The following DCAF12L2 variants were observed in gnomAD, a reference collection of about 807,000 sequenced individuals.
DCAF12L2 encodes DDB1 and CUL4 associated factor 12 like 2.
DCAF12L2 carries 16 observed loss-of-function variants against 20.2 expected under a neutral mutation model. The observed-to-expected ratio is 0.79, with a 90% CI of 0.54 to 1.20. The LOEUF is 1.20. DCAF12L2 is among the 50% of genes most tolerant of loss of function. The pLI, the probability that DCAF12L2 is intolerant of heterozygous loss-of-function variation, is 0.00. For missense variants in DCAF12L2, 355 were observed against 404.8 expected, an observed-to-expected ratio of 0.88 and a Z score of 1.06; for synonymous variants, 195 against 190.0, an observed-to-expected ratio of 1.03 and a Z score of -0.22.
At position 126,165,949 on chromosome X, in the gene DCAF12L2, AGCGGCGGCGGCGGCGGCGGCG is replaced by A. The variant is rs753861637; in HGVS notation, c.-46_-26del. 3.1e-5 allele frequency: 30 copies of A among 972,387 alleles called. 4 individuals carry two copies. The highest frequency in any genetic ancestry group is 4.3e-4 in the Middle Eastern group (1 of 2,335). 80.1% of individuals were successfully genotyped at this position (972,387 alleles called of 1,213,427 possible). On this transcript the variant is annotated 5_prime_UTR_variant, in exon 1 of 1. Coordinates refer to ENST00000360028, the MANE Select transcript of DCAF12L2 (RefSeq NM_001013628.3). ...TGGTGGGCGGCGGGCGATCTGCAGCAGCGGCGGCGGCGGCGGCGGCGGCGGCGGCGGCCCGGCGGCGGTGGC... is the reference window on the plus strand; with the variant it reads ...TGGTGGGCGGCGGGCGATCTGCAGCAGCGGCGGCGGCCCGGCGGCGGTGGC...
At position 126,165,303 on chromosome X, in the gene DCAF12L2, C is replaced by T. The variant is rs1016833517; in HGVS notation, c.622G>A (p.Ala208Thr). 1.6e-6 allele frequency: 2 copies of T among 1,212,609 alleles called. No individual in the cohort carries two copies. The highest frequency in any genetic ancestry group is 2.2e-6 in the Non-Finnish European group (2 of 895,671). ...GTGCCGTCGCGGGAGCCGCTCACAG[C>T]TACGGTGTCACTCAGCCAGGCGACT... ...FAVAWLSDTV[A>T]VSGSRDGTVA... is the part of the protein sequence containing the mutation. The change falls in exon 1 of 1, where the codon GCT (alanine) becomes ACT (threonine). Residue 208 changes from alanine (A) to threonine (T), a missense_variant. Ala to Thr is a moderately conservative substitution (Grantham distance 58). Transcript: ENST00000360028.
In DCAF12L2 at chrX:126,164,923, C is replaced by G; in HGVS notation, c.1002G>C (p.Pro334=). ...GCCGGATGTTCTGCTGGCGCTGGCG[C>G]GGATCCAGGAAGGAGACGTGGGACT... ...GSQSHVSFLD[P]RQRQQNIRPL... is the part of the protein sequence containing the mutation. The change falls in exon 1 of 1, where the codon CCG becomes CCC. Residue 334 remains proline, a synonymous_variant. Coordinates refer to ENST00000360028, the MANE Select transcript of DCAF12L2 (RefSeq NM_001013628.3). 8.3e-7 allele frequency: 1 copy of G among 1,212,121 alleles called. No homozygotes were observed. Among genetic ancestry groups the G allele is most frequent in the Non-Finnish European group, 1.1e-6 (1 of 895,601 alleles).
Position 126,165,396 on chromosome X carries a change from A to G in DCAF12L2, c.529T>C (p.Tyr177His), listed in dbSNP as rs1304985444. 8.3e-7 allele frequency: 1 copy of G among 1,211,888 alleles called. No individual in the cohort carries two copies. Among genetic ancestry groups the G allele is most frequent in the Admixed American group, 2.2e-5 (1 of 46,169 alleles). The change falls in exon 1 of 1, where the codon TAC becomes CAC. Residue 177 changes from tyrosine to histidine, a missense_variant. Tyr to His is a moderately conservative substitution (Grantham distance 83). Transcript: ENST00000360028. ...AGGGGGTCCAGGGTGGGCAGCTGGTAGATGGCCAGGCTGTTGGGGTTTTCG... is the reference window on the plus strand; with the variant it reads ...AGGGGGTCCAGGGTGGGCAGCTGGTGGATGGCCAGGCTGTTGGGGTTTTCG... Reference protein sequence around the residue: ...GGENPNSLAIYQLPTLDPLCL... With the variant: ...GGENPNSLAIHQLPTLDPLCL...
At position 126,164,275 on chromosome X, in the gene DCAF12L2, A is replaced by C. The variant is rs1456277963; in HGVS notation, c.*258T>G. On this transcript the variant is annotated 3_prime_UTR_variant, in exon 1 of 1. Coordinates refer to ENST00000360028, the MANE Select transcript of DCAF12L2 (RefSeq NM_001013628.3). ...CAAAACTCTTTGAATGAGAAGGCAA[A>C]AATATACTGCTGTTGGGAAACGTGA... 2.8e-6 allele frequency: 1 copy of C among 354,038 alleles called. No individual in the cohort carries two copies. The highest frequency in any genetic ancestry group is 4.8e-6 in the Non-Finnish European group (1 of 208,217). The allele number at this position is 354,038 out of a possible 1,213,427, so 29.2% of individuals were successfully genotyped here. A position where few individuals can be genotyped will look rare whatever the true frequency, so the allele number is the denominator to read the frequency against.
chrX:126,164,078 G>A lies in DCAF12L2; in HGVS notation c.*455C>T, dbSNP rs1927763718. On this transcript the variant is annotated 3_prime_UTR_variant, in exon 1 of 1. Coordinates refer to ENST00000360028, the MANE Select transcript of DCAF12L2 (RefSeq NM_001013628.3). ...CTCAAAACAACCCCAAAGATGCTTT[G>A]TAGCTCACATTTCCCCAAAACACCA... 1 of 116,823 alleles carries A rather than the reference G, an allele frequency of 8.6e-6. No homozygotes were observed. The highest frequency in any genetic ancestry group is 3.6e-4 in the South Asian group (1 of 2,780). 9.6% of individuals were successfully genotyped at this position (116,823 alleles called of 1,213,427 possible).
rs1927784162 is a variant in DCAF12L2, at chrX:126,164,863, C to T, written c.1062G>A (p.Arg354=). The change falls in exon 1 of 1, where the codon CGG becomes CGA. Residue 354 remains arginine, a synonymous_variant. Coordinates refer to ENST00000360028, the MANE Select transcript of DCAF12L2 (RefSeq NM_001013628.3). The part of the protein sequence containing the change: ...LCSREGGTGV[R]SLSFYQHIIT... ...TGATGTGCTGGTAGAAGCTCAGCGA[C>T]CGCACGCCTGTGCCACCCTCTCGAG... 8.2e-7 allele frequency: 1 copy of T among 1,212,286 alleles called. No homozygotes were observed. The highest frequency in any genetic ancestry group is 2.2e-5 in the Admixed American group (1 of 46,154).
Position 126,165,660 on chromosome X carries a change from C to T in DCAF12L2, c.265G>A (p.Glu89Lys). The change falls in exon 1 of 1, where the codon GAG becomes AAG. Residue 89 changes from glutamate (E) to lysine (K), a missense_variant. By Grantham distance (56) the Glu-to-Lys change is moderately conservative. Coordinates refer to ENST00000360028, the MANE Select transcript of DCAF12L2 (RefSeq NM_001013628.3). Reference sequence around the variant, plus strand: ...AGGGTGCCCAGGTCCAGCTGGCGCTCCGTCAGCAGCTCGGGCAGCCTCTGG... The same window carrying T: ...AGGGTGCCCAGGTCCAGCTGGCGCTTCGTCAGCAGCTCGGGCAGCCTCTGG... ...AVQRLPELLTERQLDLGTLNK... is the reference protein window; with the variant it reads ...AVQRLPELLTKRQLDLGTLNK... 3 of 1,211,766 alleles carry T rather than the reference C, an allele frequency of 2.5e-6. No homozygotes were observed. The highest frequency in any genetic ancestry group is 3.4e-6 in the Non-Finnish European group (3 of 895,512).
Position 126,165,393 on chromosome X carries a change from G to A in DCAF12L2, c.532C>T (p.Gln178Ter), listed in dbSNP as rs1927807283. 4 of 1,211,969 alleles carry A rather than the reference G, an allele frequency of 3.3e-6. No homozygotes were observed. Among genetic ancestry groups the A allele is most frequent in the Non-Finnish European group, 4.5e-6 (4 of 895,552 alleles). Residue 178 changes from glutamine (Q) to a stop codon, truncating the protein, a stop_gained, in exon 1 of 1, where the codon CAG (glutamine) becomes TAG (stop). Transcript: ENST00000360028. LOFTEE classifies it high-confidence loss of function. ...CACAGGGGGTCCAGGGTGGGCAGCTGGTAGATGGCCAGGCTGTTGGGGTTT... is the reference window on the plus strand; with the variant it reads ...CACAGGGGGTCCAGGGTGGGCAGCTAGTAGATGGCCAGGCTGTTGGGGTTT... Reference protein sequence around the residue: ...GENPNSLAIYQLPTLDPLCLG... With the variant: ...GENPNSLAIY
rs753659766 is a variant in DCAF12L2, at chrX:126,164,680, G to A, written c.1245C>T (p.Asp415=). The part of the protein sequence containing the change: ...ACGRGWLNQD[D]VWVNYFGGMG... ...TGCCACCAAAGTAGTTCACCCAGACGTCATCTTGGTTGAGCCAGCCTCTGC... is the reference window on the plus strand; with the variant it reads ...TGCCACCAAAGTAGTTCACCCAGACATCATCTTGGTTGAGCCAGCCTCTGC... Residue 415 remains aspartate (D), a synonymous_variant, in exon 1 of 1, where the codon GAC becomes GAT. Coordinates refer to ENST00000360028, the MANE Select transcript of DCAF12L2 (RefSeq NM_001013628.3). The A allele has an allele frequency of 4.1e-6, 5 of 1,210,928 alleles. No homozygotes were observed. The highest frequency in any genetic ancestry group is 5.6e-6 in the Non-Finnish European group (5 of 895,389).
rs898142077 is a variant in DCAF12L2 at position 126,164,371 on chromosome X, C to G, written c.*162G>C. 3.9e-5 allele frequency: 26 copies of G among 669,575 alleles called. No homozygotes were observed. The highest frequency in any genetic ancestry group is 5.1e-5 in the Non-Finnish European group (24 of 467,157). The allele number at this position is 669,575 out of a possible 1,213,427, so 55.2% of individuals were successfully genotyped here. ...GTGCTCTCTCGCTCCCGCTCTCTCTCTTTCTTTCTCTGCCTAATACATTAA... is the reference window on the plus strand; with the variant it reads ...GTGCTCTCTCGCTCCCGCTCTCTCTGTTTCTTTCTCTGCCTAATACATTAA... On this transcript the variant is annotated 3_prime_UTR_variant, in exon 1 of 1. Transcript: ENST00000360028.
In DCAF12L2 at chrX:126,165,549, G is replaced by T. The variant is rs1469663975; in HGVS notation, c.376C>A (p.Gln126Lys). The T allele has an allele frequency of 8.2e-7, 1 of 1,212,392 alleles. No homozygotes were observed. Among genetic ancestry groups the T allele is most frequent in the African/African-American group, 1.7e-5 (1 of 58,055 alleles). ...KCNTLFVVDV[Q>K]SGHITRIPLM... ...GGGATGCGCGTGATGTGGCCTGACT[G>T]CACGTCCACCACAAACAGCGTATTA... is the stretch of plus-strand genomic sequence containing the variant. The change falls in exon 1 of 1, where the codon CAG (glutamine) becomes AAG (lysine). Residue 126 changes from glutamine to lysine, a missense_variant. Physicochemically the swap from Gln to Lys is moderately conservative, Grantham distance 53. Coordinates refer to ENST00000360028, the MANE Select transcript of DCAF12L2 (RefSeq NM_001013628.3).
In DCAF12L2 at chrX:126,163,782, A is replaced by G. The variant is rs1437164850; in HGVS notation, c.*751T>C. 1 of 112,345 alleles carries G rather than the reference A, an allele frequency of 8.9e-6. No homozygotes were observed. Among genetic ancestry groups the G allele is most frequent in the Non-Finnish European group, 1.9e-5 (1 of 53,321 alleles). The allele number at this position is 112,345 out of a possible 1,213,427, so 9.3% of individuals were successfully genotyped here. A position where few individuals can be genotyped will look rare whatever the true frequency, so the allele number is the denominator to read the frequency against. On this transcript the variant is annotated 3_prime_UTR_variant, in exon 1 of 1. Transcript: ENST00000360028. Reference sequence around the variant, plus strand: ...AGGCCATAATACAGCGGCTTTAAATAAGAACACGGAGGGCCTGAGGATAGT... The same window carrying G: ...AGGCCATAATACAGCGGCTTTAAATGAGAACACGGAGGGCCTGAGGATAGT...
At position 126,165,005 on chromosome X, in the gene DCAF12L2, C is replaced by T. The variant is rs374064147; in HGVS notation, c.920G>A (p.Arg307Gln). The change falls in exon 1 of 1, where the codon CGA (arginine) becomes CAA (glutamine). Residue 307 changes from arginine to glutamine, a missense_variant. Coordinates refer to ENST00000360028, the MANE Select transcript of DCAF12L2 (RefSeq NM_001013628.3). Reference protein sequence around the residue: ...RLLSIRLPYCRENVCLTYCDE... With the variant: ...RLLSIRLPYCQENVCLTYCDE... ...ACAGTAGGTCAGGCACACATTCTCT[C>T]GGCAGTAGGGCAGCCTGATGGACAG... 5 of 1,211,113 alleles carry T rather than the reference C, an allele frequency of 4.1e-6. No homozygotes were observed. Among genetic ancestry groups the T allele is most frequent in the African/African-American group, 1.7e-5 (1 of 57,560 alleles).
In DCAF12L2 at chrX:126,164,968, G is replaced by A. The variant is rs756513945; in HGVS notation, c.957C>T (p.Ser319=). Reference sequence around the variant, plus strand: ...GGGACTGAGAGCCCACAGCGTACAGGGACAACTCATCACAGTAGGTCAGGC... The same window carrying A: ...GGGACTGAGAGCCCACAGCGTACAGAGACAACTCATCACAGTAGGTCAGGC... ...NVCLTYCDEL[S]LYAVGSQSHV... The change falls in exon 1 of 1, where the codon TCC becomes TCT. Residue 319 remains serine (S), a synonymous_variant. Coordinates refer to ENST00000360028, the MANE Select transcript of DCAF12L2 (RefSeq NM_001013628.3). 3.3e-6 allele frequency: 4 copies of A among 1,212,236 alleles called. No individual in the cohort carries two copies. The highest frequency in any genetic ancestry group is 1.8e-5 in the South Asian group (1 of 57,036).
rs1927838909 is a variant in DCAF12L2 at position 126,166,075 on chromosome X, C to CT, written c.-152dup. On this transcript the variant is annotated 5_prime_UTR_variant, in exon 1 of 1. Transcript: ENST00000360028. The stretch of plus-strand genomic sequence containing the variant: ...CGCGTCAGCCGAGAGCTCAGGATCT[C>CT]TAAGACCAAGAAGCTGGTGCGATCG... 1.4e-5 allele frequency: 9 copies of CT among 626,425 alleles called. No individual in the cohort carries two copies. Among genetic ancestry groups the CT allele is most frequent in the Non-Finnish European group, 1.7e-5 (9 of 522,710 alleles). The allele number at this position is 626,425 out of a possible 1,213,427, so 51.6% of individuals were successfully genotyped here. A position where few individuals can be genotyped will look rare whatever the true frequency, so the allele number is the denominator to read the frequency against.
chrX:126,165,876 C>T lies in DCAF12L2; in HGVS notation c.49G>A (p.Glu17Lys), dbSNP rs368071765. 4.2e-6 allele frequency: 5 copies of T among 1,204,266 alleles called. No homozygotes were observed. The African/African-American group carries it at 8.7e-5, about 21-fold the overall frequency. ...GACGACGAGCTCCCGGCTCCCGCCT[C>T]GACCGCGGGCGCTTTCCGTTTCCTG... ...GSRKRKAPAV[E>K]AGAGSSSSQG... The change falls in exon 1 of 1, where the codon GAG becomes AAG. Residue 17 changes from glutamate to lysine, a missense_variant. Physicochemically the swap from Glu to Lys is moderately conservative, Grantham distance 56. Transcript: ENST00000360028.
chrX:126,165,653 T>C lies in DCAF12L2; in HGVS notation c.272A>G (p.Gln91Arg). The change falls in exon 1 of 1, where the codon CAG (glutamine) becomes CGG (arginine). Residue 91 changes from glutamine (Q) to arginine (R), a missense_variant. Physicochemically the swap from Gln to Arg is conservative, Grantham distance 43 (BLOSUM62 1). Transcript: ENST00000360028. ...CTTGTTGAGGGTGCCCAGGTCCAGC[T>C]GGCGCTCCGTCAGCAGCTCGGGCAG... ...QRLPELLTERQLDLGTLNKVF... is the reference protein window; with the variant it reads ...QRLPELLTERRLDLGTLNKVF... 2 of 1,211,919 alleles carry C rather than the reference T, an allele frequency of 1.7e-6. No homozygotes were observed. Among genetic ancestry groups the C allele is most frequent in the Non-Finnish European group, 2.2e-6 (2 of 895,505 alleles).
Position 126,165,711 on chromosome X carries a change from C to A in DCAF12L2, c.214G>T (p.Glu72Ter). ...ACGGCGTAGCCCCGCAGCTCGCCCT[C>A]GAAGCCCTGGAGCCCGGCTGGGCCC... ...ARGPAGLQGF[E>*]GELRGYAVQR... Residue 72 changes from glutamate to a stop codon, truncating the protein, a stop_gained, in exon 1 of 1, where the codon GAG (glutamate) becomes TAG (stop). Transcript: ENST00000360028. LOFTEE classifies it high-confidence loss of function. 1.7e-6 allele frequency: 2 copies of A among 1,210,470 alleles called. No homozygotes were observed. The highest frequency in any genetic ancestry group is 2.2e-6 in the Non-Finnish European group (2 of 894,997).
chrX:126,165,978 CGGCCCGGCGGCGGT>C lies in DCAF12L2; in HGVS notation c.-68_-55del. 1.3e-6 allele frequency: 1 copy of C among 799,551 alleles called. No homozygotes were observed. The highest frequency in any genetic ancestry group is 1.5e-6 in the Non-Finnish European group (1 of 670,351). The allele number at this position is 799,551 out of a possible 1,213,427, so 65.9% of individuals were successfully genotyped here. A position where few individuals can be genotyped will look rare whatever the true frequency, so the allele number is the denominator to read the frequency against. ...GCGGCGGCGGCGGCGGCGGCGGCGGCGGCCCGGCGGCGGTGGCGGCGCGTGGCACCCGTGTTGGC... is the reference window on the plus strand; with the variant it reads ...GCGGCGGCGGCGGCGGCGGCGGCGGCGGCGGCGCGTGGCACCCGTGTTGGC... On this transcript the variant is annotated 5_prime_UTR_variant, in exon 1 of 1. Transcript: ENST00000360028.
Sources: allele counts gnomAD v4.1 joint callset, GRCh38; gene constraint gnomAD v4.1.1; transcripts MANE v1.5; gene names NCBI Gene and HGNC (gene_info 2026-07-23, HGNC 2026-07-21).